Variants in CUL5 observed in about 807,000 individuals in gnomAD.
CUL5 encodes cullin-5.
Under a neutral mutation model 108.8 loss-of-function variants are expected in CUL5, and 26 were observed. The ratio of observed to expected loss-of-function variants is 0.24; its 90% CI spans 0.18 to 0.33. CUL5 has a LOEUF of 0.33. Ranked by LOEUF, CUL5 falls within the 10% of genes least tolerant of loss-of-function variation. CUL5 has a pLI of 1.00. For synonymous variants in CUL5, 334 were observed against 298.0 expected, an observed-to-expected ratio of 1.12 and a Z score of -1.25; for missense variants, 524 against 909.2, an observed-to-expected ratio of 0.58 and a Z score of 5.45.
chr11:108,074,190 A>ATTTTTT (rs34367275), intron 10 of CUL5: 2 of 118,148 alleles, frequency 1.7e-5, no homozygotes, highest in African/African-American at 3.4e-5. Context: ...GTCTATTTTA[A>ATTTTTT]TTTTTTTTTT....
At chr11:108,043,271 G>C (rs904605032) in intron 2 of CUL5, among the ~76,000 whole-genome samples, 1 of 152,096 alleles carries the variant, frequency 6.6e-6, no homozygotes, top group Admixed American at 6.6e-5. Context: ...ATGTGGTCTT[G>C]CCATGTGGCC....
chr11:108,019,394 T>G (rs1183110706), intron 1 of CUL5, among the ~76,000 whole-genome samples: 2 of 152,170 alleles, frequency 1.3e-5, no homozygotes, highest in Non-Finnish European at 2.9e-5. Context: ...ATAATTCACA[T>G]GAATTATCTA....
At chr11:108,020,520 C>G (rs1303593075) in intron 1 of CUL5, among the ~76,000 whole-genome samples, 2 of 147,802 alleles carry the variant, frequency 1.4e-5, no homozygotes, top group African/African-American at 4.9e-5. Context: ...GTTTGTGCAG[C>G]TGAATGTGTT....
At chr11:108,098,136 A>G (rs369850980) in intron 17 of CUL5, among the ~76,000 whole-genome samples, 1 of 152,174 alleles carries the variant, frequency 6.6e-6, no homozygotes, top group Admixed American at 6.5e-5. Flanking sequence ...TATATCTTCA[A>G]TTAGCTAGTC....
At chr11:108,077,053 A>G (rs906370969) in intron 10 of CUL5, among the ~76,000 whole-genome samples, 11 of 152,210 alleles carry the variant, frequency 7.2e-5, no homozygotes, top group Non-Finnish European at 1.6e-4. Flanking sequence ...TTCAGCATAT[A>G]AGTGGTTTTT....
At chr11:108,033,742 G>C in intron 1 of CUL5, 60 bp from the exon 2 acceptor site, 1 of 1,052,388 alleles carries the variant, frequency 9.5e-7, no homozygotes. Flanking sequence ...AAAAATTACA[G>C]GATACTTTTT....
intron 11 of CUL5, chr11:108,084,920 C>G (rs1299320317): frequency 1.3e-5 from 2 of 152,178 alleles, no homozygotes; most frequent in Non-Finnish European, 2.9e-5. Context: ...ATAGGCTGGT[C>G]CAAGTGCAGT....
intron 2 of CUL5, 96 bp from the exon 3 acceptor site, chr11:108,046,174 T>C (rs1211740072): frequency 1.2e-6 from 1 of 802,016 alleles, no homozygotes. Flanking sequence ...TTGGTTCTAA[T>C]ATGGCCCATG....
At chr11:108,014,566 T>C (rs1192652203) in intron 1 of CUL5, among the ~76,000 whole-genome samples, 1 of 152,238 alleles carries the variant, frequency 6.6e-6, no homozygotes, top group African/African-American at 2.4e-5. Flanking sequence ...ATTTTCTGTA[T>C]ATTTATAATC....
Position 108,094,378 on chromosome 11 carries a change from T to A in CUL5, c.1444-13T>A, listed in dbSNP as rs138221170. On this transcript the variant is annotated splice_polypyrimidine_tract_variant and intron_variant, in intron 13 of 18. Transcript: ENST00000393094. Reference sequence around the variant, plus strand: ...TATTTATTACCTCTTCCTTCTTTGGTTTATATTTATAGGAAGTTGGTATGC... The same window carrying A: ...TATTTATTACCTCTTCCTTCTTTGGATTATATTTATAGGAAGTTGGTATGC... 86 of 1,564,774 alleles carry A rather than the reference T, an allele frequency of 5.5e-5. No individual in the cohort carries two copies. The African/African-American group carries it at 1.1e-3, about 19-fold the overall frequency.
rs1426813155 is a variant in CUL5, at chr11:108,031,028, C to T, written c.25-2774C>T. Among the ~76,000 whole-genome samples the T allele has an allele frequency of 2.0e-5, 3 of 152,086 alleles. No individual in the cohort carries two copies. In the East Asian group the frequency reaches 5.8e-4, roughly 29 times the overall value. On this transcript the variant is annotated intron_variant, in intron 1 of 18. Transcript: ENST00000393094. ...TATTCCATACAATCACTGTATGCAT[C>T]TCAGGTTCTTAACCTGAGCAATATC...
At chr11:108,021,645 A>G (rs1024932728) in intron 1 of CUL5, among the ~76,000 whole-genome samples, 4 of 151,466 alleles carry the variant, frequency 2.6e-5, no homozygotes, top group African/African-American at 7.3e-5. Context: ...GCACCACCAC[A>G]CCCAGTTAAT....
Position 108,095,514 on chromosome 11 carries a change from G to A in CUL5, c.1744-16G>A. 1 of 1,494,924 alleles carries A rather than the reference G, an allele frequency of 6.7e-7. No homozygotes were observed. The highest frequency in any genetic ancestry group is 2.3e-5 in the East Asian group (1 of 43,384). 92.6% of individuals were successfully genotyped at this position (1,494,924 alleles called of 1,614,324 possible). On this transcript the variant is annotated splice_polypyrimidine_tract_variant and intron_variant, in intron 15 of 18. Coordinates refer to ENST00000393094, the MANE Select transcript of CUL5 (RefSeq NM_003478.6). Reference sequence around the variant, plus strand: ...TCATGAGATTCTTTATTAAAAATCTGTTTTATCTATTATAGATAACATTTA... The same window carrying A: ...TCATGAGATTCTTTATTAAAAATCTATTTTATCTATTATAGATAACATTTA...
intron 1 of CUL5, among the ~76,000 whole-genome samples, chr11:108,022,974 C>T (rs1862362457): frequency 6.6e-6 from 1 of 152,192 alleles, no homozygotes; most frequent in Admixed American, 6.5e-5. Flanking sequence ...CCTGGCCCAG[C>T]GTGGTGGCTC....
intron 7 of CUL5, among the ~76,000 whole-genome samples, chr11:108,068,314 T>G (rs117064123): frequency 0.028 from 4,243 of 152,042 alleles, 94 homozygotes; most frequent in Middle Eastern, 0.044. Flanking sequence ...AAAACCTTTT[T>G]TTTTGTTTTG....
At chr11:108,019,966 CAG>C (rs1461108152) in intron 1 of CUL5, among the ~76,000 whole-genome samples, 1 of 151,888 alleles carries the variant, frequency 6.6e-6, no homozygotes, top group East Asian at 1.9e-4. Context: ...GGAGAGGTAC[CAG>C]GCTCTTTTTA....
intron 1 of CUL5, among the ~76,000 whole-genome samples, chr11:108,011,691 G>A (rs971063837): frequency 6.6e-6 from 1 of 151,804 alleles, no homozygotes; most frequent in Admixed American, 6.6e-5. Context: ...TCAGTGGTGC[G>A]ATCTTGGTTC....
In CUL5 at chr11:108,106,456, T is replaced by C. The variant is rs1864803276; in HGVS notation, c.*2072T>C. On this transcript the variant is annotated 3_prime_UTR_variant, in exon 19 of 19. Transcript: ENST00000393094. Reference sequence around the variant, plus strand: ...TTCATAGCAAAGTTTTTTATTAAATTTTATAAATTTTTAATAGCCAATTAT... The same window carrying C: ...TTCATAGCAAAGTTTTTTATTAAATCTTATAAATTTTTAATAGCCAATTAT... 1 of 152,352 alleles carries C rather than the reference T, an allele frequency of 6.6e-6. No individual in the cohort carries two copies. Among genetic ancestry groups the C allele is most frequent in the Non-Finnish European group, 1.5e-5 (1 of 67,950 alleles). The allele number at this position is 152,352 out of a possible 1,614,324, so 9.4% of individuals were successfully genotyped here. A position where few individuals can be genotyped will look rare whatever the true frequency, so the allele number is the denominator to read the frequency against.
At chr11:108,072,235 C>A in intron 8 of CUL5, 97 bp from the exon 9 acceptor site, 1 of 1,013,560 alleles carries the variant, frequency 9.9e-7, no homozygotes. Context: ...GCATTGTATC[C>A]ACAGAATACT....
Sources: allele counts gnomAD v4.1 joint callset (sites outside exome capture counted in the v4.1 genomes callset), GRCh38; gene constraint gnomAD v4.1.1; transcripts MANE v1.5; gene names NCBI Gene and HGNC (gene_info 2026-07-23, HGNC 2026-07-21).